Variants in EBF1 observed in about 807,000 individuals in gnomAD.
EBF1 encodes the protein EBF transcription factor 1.
Under a neutral mutation model 68.4 loss-of-function variants are expected in EBF1, and 10 were observed. The observed-to-expected ratio is 0.15, with a 90% CI of 0.09 to 0.25. EBF1 has a LOEUF of 0.25. EBF1 is among the 10% of genes least tolerant of loss of function. EBF1 has a pLI of 1.00. For synonymous variants in EBF1, 298 were observed against 299.8 expected, an observed-to-expected ratio of 0.99 and a Z score of 0.06; for missense variants, 509 against 794.4, an observed-to-expected ratio of 0.64 and a Z score of 4.32.
chr5:158,730,998 T>C (rs1763979691), intron 11 of EBF1, 71 bp downstream of exon 11: 2 of 1,419,346 alleles, frequency 1.4e-6, no homozygotes, highest in Non-Finnish European at 2.0e-6. Flanking sequence ...CTAATTTTTA[T>C]CAGCAGCAGA....
At chr5:158,876,019 C>G (rs1394894169) in intron 6 of EBF1, among the ~76,000 whole-genome samples, 1 of 152,180 alleles carries the variant, frequency 6.6e-6, no homozygotes, top group African/African-American at 2.4e-5. Flanking sequence ...AGGATCTTAG[C>G]ACAGGAAGGA....
intron 5 of EBF1, among the ~76,000 whole-genome samples, chr5:159,082,099 AC>A (rs1285293592): frequency 6.6e-6 from 1 of 152,002 alleles, no homozygotes; most frequent in Non-Finnish European, 1.5e-5. Context: ...ATTTGCAACC[AC>A]CTGAGACACA....
chr5:159,000,165 C>G (rs1011344291), intron 6 of EBF1, among the ~76,000 whole-genome samples: 1 of 152,136 alleles, frequency 6.6e-6, no homozygotes, highest in Non-Finnish European at 1.5e-5. Flanking sequence ...CCATCACACA[C>G]TTGCAGTACA....
chr5:158,860,261 T>C (rs1030604270), intron 6 of EBF1, among the ~76,000 whole-genome samples: 4 of 152,208 alleles, frequency 2.6e-5, no homozygotes, highest in Non-Finnish European at 4.4e-5. Flanking sequence ...ACTACTAAGG[T>C]AGACACTATC....
intron 6 of EBF1, among the ~76,000 whole-genome samples, chr5:159,024,528 C>T (rs927360064): frequency 6.6e-6 from 1 of 152,182 alleles, no homozygotes; most frequent in African/African-American, 2.4e-5. Flanking sequence ...ACGTGATCAC[C>T]TGTTTGACTC....
rs970168816 is a variant in EBF1, at chr5:158,980,927, T to C, written c.554+92469A>G. On this transcript the variant is annotated intron_variant, in intron 6 of 15. Transcript: ENST00000313708. ...AAAAAGAAACTAGTAAGTTTCATAA[T>C]AAGGTTAAGGCTATAATATAATTGC... Among the ~76,000 whole-genome samples, 26 of 152,190 alleles carry C rather than the reference T, an allele frequency of 1.7e-4. 1 individual carries two copies. Among genetic ancestry groups the C allele is most frequent in the African/African-American group, 5.8e-4 (24 of 41,456 alleles).
At chr5:159,030,211 A>G (rs1478831163) in intron 6 of EBF1, among the ~76,000 whole-genome samples, 1 of 152,164 alleles carries the variant, frequency 6.6e-6, no homozygotes, top group Non-Finnish European at 1.5e-5. Flanking sequence ...ACATGAATTA[A>G]AAGTGCAATA....
At chr5:158,836,098 T>C (rs890070483) in intron 7 of EBF1, among the ~76,000 whole-genome samples, 2 of 152,092 alleles carry the variant, frequency 1.3e-5, no homozygotes, top group South Asian at 4.1e-4. Flanking sequence ...CCTAAGAAGC[T>C]TGGGGTGGAG....
intron 10 of EBF1, among the ~76,000 whole-genome samples, chr5:158,772,870 C>G (rs2127660125): frequency 6.6e-6 from 1 of 152,234 alleles, no homozygotes; most frequent in Non-Finnish European, 1.5e-5. Context: ...GATTCTAAAA[C>G]TTTACATATG....
intron 11 of EBF1, among the ~76,000 whole-genome samples, chr5:158,718,152 G>T (rs1761155420): frequency 6.6e-6 from 1 of 152,134 alleles, no homozygotes; most frequent in Non-Finnish European, 1.5e-5. Context: ...TATTGTTTGA[G>T]CTTCTTGTTG....
intron 6 of EBF1, among the ~76,000 whole-genome samples, chr5:159,021,265 AGGAAGTTCTG>A (rs1766622901): frequency 1.3e-5 from 2 of 152,220 alleles, no homozygotes; most frequent in Admixed American, 6.5e-5. Context: ...CCAACCTTGG[AGGAAGTTCTG>A]GGAATCTCCC....
intron 6 of EBF1, among the ~76,000 whole-genome samples, chr5:158,883,348 GTA>G (rs10615867): frequency 0.61 from 90,104 of 148,214 alleles, 27,426 homozygotes; most frequent in South Asian, 0.73. Context: ...ATACATGCAT[GTA>G]TATATATATA....
chr5:158,854,768 T>A (rs564397486), intron 6 of EBF1, among the ~76,000 whole-genome samples: 2 of 152,072 alleles, frequency 1.3e-5, no homozygotes, highest in Non-Finnish European at 2.9e-5. Context: ...CACAAACAAG[T>A]TTTTTCCCTT....
At chr5:158,775,555 C>A (rs1187397814) in intron 10 of EBF1, among the ~76,000 whole-genome samples, 1 of 151,818 alleles carries the variant, frequency 6.6e-6, no homozygotes, top group Non-Finnish European at 1.5e-5. Context: ...ATGTTTTCGG[C>A]CAAAAACAGA....
chr5:158,875,914 C>T (rs1463690682), intron 6 of EBF1, among the ~76,000 whole-genome samples: 4 of 152,102 alleles, frequency 2.6e-5, no homozygotes, highest in African/African-American at 7.2e-5. Flanking sequence ...TTTCCCAGTC[C>T]CTCCACAGAA....
intron 6 of EBF1, among the ~76,000 whole-genome samples, chr5:159,029,356 T>C (rs1279288436): frequency 6.6e-6 from 1 of 152,216 alleles, no homozygotes; most frequent in Non-Finnish European, 1.5e-5. Flanking sequence ...ACATTATGCA[T>C]TGAGAGCCAT....
chr5:158,973,480 C>A lies in EBF1; in HGVS notation c.554+99916G>T, dbSNP rs143980212. ...GCTCAAACCAACACACACACACACA[C>A]ACACACCTGCTGCCTTCATTAGATA... is the stretch of plus-strand genomic sequence containing the variant. On this transcript the variant is annotated intron_variant, in intron 6 of 15. Transcript: ENST00000313708. Among the ~76,000 whole-genome samples, 62 of 152,246 alleles carry A rather than the reference C, an allele frequency of 4.1e-4. 1 individual carries two copies. Among genetic ancestry groups the A allele is most frequent in the African/African-American group, 1.4e-3 (57 of 41,522 alleles).
At chr5:158,825,913 G>T (rs1191383761) in intron 7 of EBF1, among the ~76,000 whole-genome samples, 1 of 151,152 alleles carries the variant, frequency 6.6e-6, no homozygotes, top group South Asian at 2.1e-4. Context: ...TCCACAGAGC[G>T]ACTTGTAAAT....
At chr5:158,780,964 T>C (rs1776351043) in intron 9 of EBF1, among the ~76,000 whole-genome samples, 1 of 152,168 alleles carries the variant, frequency 6.6e-6, no homozygotes, top group Non-Finnish European at 1.5e-5. Flanking sequence ...TTCCTTAAAT[T>C]ACAAGCCAAA....
Sources: gnomAD v4.1 joint callset for allele counts (sites outside exome capture counted in the v4.1 genomes callset) on GRCh38, gnomAD v4.1.1 for gene constraint, MANE v1.5 for transcripts, NCBI Gene and HGNC (gene_info 2026-07-23, HGNC 2026-07-21) for gene names.